The following MAP3K5 variants were observed in gnomAD, a reference collection of about 807,000 sequenced individuals.
The protein encoded by MAP3K5 is ASK-1.
Under a neutral mutation model 158.7 loss-of-function variants are expected in MAP3K5, and 56 were observed. That is an observed-to-expected ratio of 0.35 (90% CI 0.28 to 0.44). MAP3K5 has a LOEUF of 0.44. MAP3K5 is among the 20% of genes least tolerant of loss of function. The pLI is 1.00. For synonymous variants in MAP3K5, 579 were observed against 601.7 expected (o/e 0.96, Z 0.55); for missense variants, 1,294 against 1,674.8 (o/e 0.77, Z 3.97).
intron 1 of MAP3K5, among the ~76,000 whole-genome samples, chr6:136,770,895 T>G (rs1184298751): frequency 6.6e-6 from 1 of 152,124 alleles, no homozygotes; most frequent in Non-Finnish European, 1.5e-5. Flanking sequence ...AACATAAAAC[T>G]GAGGAAAAAT....
At chr6:136,738,034 A>C (rs777947450) in intron 1 of MAP3K5, among the ~76,000 whole-genome samples, 2 of 152,164 alleles carry the variant, frequency 1.3e-5, no homozygotes, top group Non-Finnish European at 2.9e-5. Context: ...CCACTACCTA[A>C]GAATGGACAT....
chr6:136,637,657 A>G (rs1038671112), intron 13 of MAP3K5, among the ~76,000 whole-genome samples: 2 of 75,284 alleles, frequency 2.7e-5, no homozygotes, highest in Non-Finnish European at 4.5e-5. Context: ...CTCTTCTTGT[A>G]AAGTTTTTTT....
Position 136,669,290 on chromosome 6 carries a change from C to T in MAP3K5, c.1359G>A (p.Arg453=). 1 of 1,610,494 alleles carries T rather than the reference C, an allele frequency of 6.2e-7. No individual in the cohort carries two copies. The highest frequency in any genetic ancestry group is 8.5e-7 in the Non-Finnish European group (1 of 1,177,148). The change falls in exon 8 of 30, where the codon CGG becomes CGA. Residue 453 remains arginine, a synonymous_variant. Coordinates refer to ENST00000359015, the MANE Select transcript of MAP3K5 (RefSeq NM_005923.4). ...GHQFESSFEL[R]KVGVKLSSLL... is the part of the protein sequence containing the mutation. Reference sequence around the variant, plus strand: ...ATATCAAGTTGTAATTACCAACTTTCCGGAGCTCAAAGGAAGATTCAAACT... The same window carrying T: ...ATATCAAGTTGTAATTACCAACTTTTCGGAGCTCAAAGGAAGATTCAAACT...
Position 136,633,425 on chromosome 6 carries a change from G to GTATATATATA in MAP3K5, c.2016+3890_2016+3899dup, listed in dbSNP as rs139665870. Among the ~76,000 whole-genome samples the GTATATATATA allele has an allele frequency of 0.011, 1,565 of 147,336 alleles. 70 individuals carry two copies. In the East Asian group the frequency reaches 0.12, roughly 12 times the overall value. ...AAAAAATAAAATAAAATAAATATAT[G>GTATATATATA]TATATATATATATATATTCTTTTCA... On this transcript the variant is annotated intron_variant, in intron 14 of 29. Coordinates refer to ENST00000359015, the MANE Select transcript of MAP3K5 (RefSeq NM_005923.4).
At position 136,576,169 on chromosome 6, in the gene MAP3K5, TC is replaced by T. The variant is rs1774607556; in HGVS notation, c.3517+4131del. Among the ~76,000 whole-genome samples the T allele has an allele frequency of 2.6e-5, 4 of 152,328 alleles. No homozygotes were observed. The South Asian group carries it at 8.3e-4, about 32-fold the overall frequency. ...GCTTATTTTATTCTATAATCTATAA[TC>T]CAATATGATCATTATTTTATTGTTC... On this transcript the variant is annotated intron_variant, in intron 25 of 29. Coordinates refer to ENST00000359015, the MANE Select transcript of MAP3K5 (RefSeq NM_005923.4).
chr6:136,565,431 G>A (rs1045391660), intron 26 of MAP3K5, among the ~76,000 whole-genome samples: 1 of 152,042 alleles, frequency 6.6e-6, no homozygotes, highest in Non-Finnish European at 1.5e-5. Flanking sequence ...TCTTGAGACA[G>A]GTTTTTGTTT....
At chr6:136,689,593 T>C (rs1780301513) in intron 7 of MAP3K5, among the ~76,000 whole-genome samples, 2 of 152,320 alleles carry the variant, frequency 1.3e-5, no homozygotes, top group Non-Finnish European at 2.9e-5. Context: ...TCTGACCCCA[T>C]GAAAGGATTA....
intron 7 of MAP3K5, 63 bp downstream of exon 7, chr6:136,694,077 C>G: frequency 7.5e-7 from 1 of 1,330,440 alleles, no homozygotes; most frequent in Non-Finnish European, 1.0e-6. Context: ...CTCTCATTTG[C>G]AAATACTTTT....
At chr6:136,757,571 A>ATTTTTTT (rs1562679067) in intron 1 of MAP3K5, among the ~76,000 whole-genome samples, 1 of 111,138 alleles carries the variant, frequency 9.0e-6, no homozygotes, top group African/African-American at 3.4e-5. Context: ...TTATAGATTT[A>ATTTTTTT]TTTATTTATT....
intron 25 of MAP3K5, among the ~76,000 whole-genome samples, chr6:136,571,099 T>C (rs190083121): frequency 2.0e-5 from 3 of 152,294 alleles, no homozygotes; most frequent in Non-Finnish European, 4.4e-5. Context: ...TGGTGCTTTT[T>C]CCAAGACCTC....
rs149900455 is a variant in MAP3K5, at chr6:136,721,964, T to C, written c.449-1375A>G. The stretch of plus-strand genomic sequence containing the variant: ...TCATAACAACTTCCAACTTTGTGCA[T>C]CTAGGTATTCCCATGAAAATCAGAA... On this transcript the variant is annotated intron_variant, in intron 1 of 29. Coordinates refer to ENST00000359015, the MANE Select transcript of MAP3K5 (RefSeq NM_005923.4). Among the ~76,000 whole-genome samples the C allele has an allele frequency of 9.9e-3, 1,508 of 152,326 alleles. 17 individuals are homozygous for C. Among genetic ancestry groups the C allele is most frequent in the Non-Finnish European group, 0.015 (993 of 68,018 alleles).
intron 1 of MAP3K5, among the ~76,000 whole-genome samples, chr6:136,767,668 C>CT: frequency 6.6e-6 from 1 of 152,068 alleles, no homozygotes; most frequent in South Asian, 2.1e-4. Context: ...ATCTAACTGC[C>CT]TTTTTTGCAG....
intron 7 of MAP3K5, among the ~76,000 whole-genome samples, chr6:136,682,267 A>G (rs1403271576): frequency 1.3e-5 from 2 of 152,246 alleles, no homozygotes; most frequent in African/African-American, 4.8e-5. Flanking sequence ...CTAAGCAAAA[A>G]TAATGTTAAT....
chr6:136,564,823 C>T (rs1186754934), intron 26 of MAP3K5, among the ~76,000 whole-genome samples: 3 of 152,170 alleles, frequency 2.0e-5, no homozygotes, highest in Non-Finnish European at 4.4e-5. Context: ...GCGTCTATAA[C>T]AATAGCTGAG....
chr6:136,558,744 T>C (rs547840793), intron 29 of MAP3K5, 56 bp downstream of exon 29: 1 of 1,152,840 alleles, frequency 8.7e-7, no homozygotes, highest in South Asian at 1.3e-5. Flanking sequence ...ATACTCAGAC[T>C]TTTTGATATT....
intron 26 of MAP3K5, among the ~76,000 whole-genome samples, chr6:136,565,806 A>G (rs1038076889): frequency 2.0e-5 from 3 of 152,212 alleles, no homozygotes; most frequent in African/African-American, 7.2e-5. Context: ...GCATGAAGCA[A>G]ACATCGTCCC....
In MAP3K5 at chr6:136,658,631, T is replaced by C. The variant is rs545361128; in HGVS notation, c.1526+588A>G. On this transcript the variant is annotated intron_variant, in intron 9 of 29. Coordinates refer to ENST00000359015, the MANE Select transcript of MAP3K5 (RefSeq NM_005923.4). ...GCGCCCGGCCAACACTGTTTTTCAA[T>C]ATGGTCCTGAATGCAGATGGAATTT... 2.5e-4 allele frequency among the ~76,000 whole-genome samples: 38 copies of C among 152,284 alleles called. 1 individual carries two copies. In the South Asian group the frequency reaches 7.7e-3, roughly 31 times the overall value.
chr6:136,757,458 T>C (rs992920535), intron 1 of MAP3K5, among the ~76,000 whole-genome samples: 2 of 152,216 alleles, frequency 1.3e-5, no homozygotes, highest in African/African-American at 4.8e-5. Context: ...GCATCACAGA[T>C]TTGTAAATAA....
intron 1 of MAP3K5, among the ~76,000 whole-genome samples, chr6:136,743,068 T>C (rs1782778195): frequency 6.6e-6 from 1 of 151,854 alleles, no homozygotes; most frequent in Non-Finnish European, 1.5e-5. Flanking sequence ...CCAGCCTGGG[T>C]GACAGAGACC....
Sources: allele counts gnomAD v4.1 joint callset (sites outside exome capture counted in the v4.1 genomes callset), GRCh38; gene constraint gnomAD v4.1.1; transcripts MANE v1.5; gene names NCBI Gene and HGNC (gene_info 2026-07-23, HGNC 2026-07-21).